The following MINAR1 variants were observed in gnomAD, a reference collection of about 807,000 sequenced individuals.
MINAR1 encodes major intrinsically disordered Notch2-binding receptor 1.
Under a neutral mutation model 65.1 loss-of-function variants are expected in MINAR1, and 40 were observed. The observed-to-expected ratio is 0.61, with a 90% confidence interval of 0.48 to 0.80. The LOEUF (loss-of-function observed/expected upper bound fraction) is 0.80, where lower values mean the gene tolerates loss of function less well. Among genes scored for constraint, MINAR1 ranks in the 30% least tolerant of loss-of-function variants. The pLI is 0.00. For missense variants in MINAR1, 1,128 were observed against 1,148.0 expected (o/e 0.98, Z 0.25); for synonymous variants, 482 against 449.1 (o/e 1.07, Z -0.93).
chr15:79,417,628 T>G, the MINAR1 span: 1 of 152,232 alleles, frequency 6.6e-6, no homozygotes, highest in African/African-American at 2.4e-5. Context: ...TGGTTAGAAA[T>G]CATCTGTTTG....
intron 1 of MINAR1, among the ~76,000 whole-genome samples, chr15:79,440,139 G>A (rs768859370): frequency 2.6e-5 from 4 of 152,078 alleles, no homozygotes; most frequent in Non-Finnish European, 5.9e-5. Flanking sequence ...GAACCTCCAG[G>A]GGACCTTATA....
chr15:79,468,614 A>G lies in MINAR1; in HGVS notation c.*230A>G. 1.9e-6 allele frequency: 1 copy of G among 537,524 alleles called. No homozygotes were observed. Among genetic ancestry groups the G allele is most frequent in the Non-Finnish European group, 3.3e-6 (1 of 303,010 alleles). 33.3% of individuals were successfully genotyped at this position (537,524 alleles called of 1,614,324 possible). On this transcript the variant is annotated 3_prime_UTR_variant, in exon 4 of 4. Transcript: ENST00000305428. ...TCTGACGCATTTTTAGAAGTGCAATATCTTTTCCTACCAAAAGAACATCAT... is the reference window on the plus strand; with the variant it reads ...TCTGACGCATTTTTAGAAGTGCAATGTCTTTTCCTACCAAAAGAACATCAT...
At chr15:79,437,354 T>TG (rs1038779105) in intron 1 of MINAR1, among the ~76,000 whole-genome samples, 31 of 151,188 alleles carry the variant, frequency 2.1e-4, no homozygotes, top group African/African-American at 7.3e-4. Flanking sequence ...TGATTGAGTG[T>TG]GGGTGGGATA....
At chr15:79,426,007 C>A in the MINAR1 span, 1 of 152,274 alleles carries the variant, frequency 6.6e-6, no homozygotes, top group African/African-American at 2.4e-5. Context: ...AGTCAAAAGC[C>A]AATCTCTCAT....
Position 79,452,891 on chromosome 15 carries a change from AG to A in MINAR1, c.-50-3205del, listed in dbSNP as rs1028349812. On this transcript the variant is annotated intron_variant, in intron 1 of 3. Coordinates refer to ENST00000305428, the MANE Select transcript of MINAR1 (RefSeq NM_015206.3). ...AGTGTGAAGCTGTGTGAGTGTGTGT[AG>A]GTGTGTCTGGGTGAATCTGAGTGAA... 5.0e-4 allele frequency among the ~76,000 whole-genome samples: 68 copies of A among 134,888 alleles called. 2 individuals carry two copies. Among genetic ancestry groups the A allele is most frequent in the Admixed American group, 1.5e-4 (2 of 13,678 alleles). The allele number at this position is 134,888 out of a possible 152,430, so 88.5% of individuals were successfully genotyped here.
chr15:79,468,594 C>T lies in MINAR1; in HGVS notation c.*210C>T, dbSNP rs967976442. On this transcript the variant is annotated 3_prime_UTR_variant, in exon 4 of 4. Transcript: ENST00000305428. ...TAGCTTTGACTCAATTACACTCTGA[C>T]GCATTTTTAGAAGTGCAATATCTTT... is the stretch of plus-strand genomic sequence containing the variant. 4.0e-5 allele frequency: 22 copies of T among 556,246 alleles called. No homozygotes were observed. Among genetic ancestry groups the T allele is most frequent in the Middle Eastern group, 4.7e-4 (1 of 2,130 alleles). 34.5% of individuals were successfully genotyped at this position (556,246 alleles called of 1,614,324 possible).
At chr15:79,437,852 G>A (rs56651691) in intron 1 of MINAR1, among the ~76,000 whole-genome samples, 3,031 of 32,676 alleles carry the variant, frequency 0.093, 745 homozygotes, top group Non-Finnish European at 0.15. Context: ...TGGGGTGTGG[G>A]TGGGTAGTGT....
upstream of MINAR1, among the ~76,000 whole-genome samples, chr15:79,429,499 G>C (rs1229254038): frequency 6.6e-6 from 1 of 152,220 alleles, no homozygotes; most frequent in Non-Finnish European, 1.5e-5. Context: ...TGAAATTTCG[G>C]ATCTGAGTGG....
intron 1 of MINAR1, among the ~76,000 whole-genome samples, chr15:79,437,707 T>G (rs1595928548): frequency 4.5e-5 from 1 of 22,334 alleles, no homozygotes; most frequent in Non-Finnish European, 9.7e-5. Flanking sequence ...GTGTGGGGTG[T>G]GGGTGTGGGT....
At chr15:79,464,434 G>A (rs1538133) in intron 3 of MINAR1, among the ~76,000 whole-genome samples, 33,658 of 152,160 alleles carry the variant, frequency 0.22, 4,213 homozygotes, top group Middle Eastern at 0.33. Flanking sequence ...GGCCGGAATT[G>A]CTATGACCAT....
chr15:79,463,395 C>G (rs1007730305), intron 3 of MINAR1, 74 bp downstream of exon 3: 1 of 1,552,024 alleles, frequency 6.4e-7, no homozygotes, highest in African/African-American at 1.3e-5. Context: ...GGATCACGGA[C>G]GGCTTAGACC....
At chr15:79,443,560 AATCT>A (rs1188311953) in intron 1 of MINAR1, among the ~76,000 whole-genome samples, 1 of 152,162 alleles carries the variant, frequency 6.6e-6, no homozygotes, top group Non-Finnish European at 1.5e-5. Context: ...ATCCCTAAAT[AATCT>A]ATTTGAGGTT....
chr15:79,455,511 A>T (rs1186886806), intron 1 of MINAR1, among the ~76,000 whole-genome samples: 2 of 152,178 alleles, frequency 1.3e-5, no homozygotes, highest in Admixed American at 1.3e-4. Context: ...TAGAACAATG[A>T]TATCATTTAG....
chr15:79,456,982 A>G lies in MINAR1; in HGVS notation c.835A>G (p.Ser279Gly), dbSNP rs768641752. The change falls in exon 2 of 4, where the codon AGC (serine) becomes GGC (glycine). Residue 279 changes from serine to glycine, a missense_variant. Transcript: ENST00000305428. Reference protein sequence around the residue: ...AVSPSLVGPISKAENEHREPQ... With the variant: ...AVSPSLVGPIGKAENEHREPQ... ...GTCCCCCAGTTTGGTTGGCCCCATC[A>G]GCAAAGCAGAGAATGAGCACAGGGA... 6.2e-7 allele frequency: 1 copy of G among 1,614,208 alleles called. No homozygotes were observed. The highest frequency in any genetic ancestry group is 1.1e-5 in the South Asian group (1 of 91,080).
intron 1 of MINAR1, among the ~76,000 whole-genome samples, chr15:79,446,482 TTATC>T (rs981412818): frequency 3.3e-5 from 5 of 152,220 alleles, no homozygotes; most frequent in South Asian, 2.1e-4. Context: ...GGTAATAAAA[TTATC>T]TGTATATTAT....
chr15:79,458,324 T>G lies in MINAR1; in HGVS notation c.2177T>G (p.Ile726Ser). The G allele has an allele frequency of 6.2e-7, 1 of 1,614,032 alleles. No homozygotes were observed. The highest frequency in any genetic ancestry group is 8.5e-7 in the Non-Finnish European group (1 of 1,180,014). ...NSATESKIASISNSPRDWRTI... is the reference protein window; with the variant it reads ...NSATESKIASSSNSPRDWRTI... Reference sequence around the variant, plus strand: ...GCCACAGAGTCCAAAATTGCCAGCATCTCCAACTCGCCCAGAGACTGGCGC... The same window carrying G: ...GCCACAGAGTCCAAAATTGCCAGCAGCTCCAACTCGCCCAGAGACTGGCGC... The change falls in exon 2 of 4, where the codon ATC (isoleucine) becomes AGC (serine). Residue 726 changes from isoleucine to serine, a missense_variant. Coordinates refer to ENST00000305428, the MANE Select transcript of MINAR1 (RefSeq NM_015206.3).
the MINAR1 span, chr15:79,420,613 GA>G: frequency 1.3e-5 from 2 of 152,274 alleles, no homozygotes; most frequent in African/African-American, 2.4e-5. Context: ...GACTTCCTGA[GA>G]ATTGAAACTT....
intron 1 of MINAR1, among the ~76,000 whole-genome samples, chr15:79,446,410 G>A (rs140345981): frequency 6.6e-6 from 1 of 151,910 alleles, no homozygotes; most frequent in African/African-American, 2.4e-5. Flanking sequence ...TTACAATAAG[G>A]AATATGAGTT....
At chr15:79,455,691 G>A (rs954034960) in intron 1 of MINAR1, among the ~76,000 whole-genome samples, 3 of 152,128 alleles carry the variant, frequency 2.0e-5, no homozygotes, top group African/African-American at 4.8e-5. Context: ...ATTCATCCAC[G>A]TCCTTGCATG....
Sources: gnomAD v4.1 joint callset for allele counts (sites outside exome capture counted in the v4.1 genomes callset) on GRCh38, gnomAD v4.1.1 for gene constraint, MANE v1.5 for transcripts, NCBI Gene and HGNC (gene_info 2026-07-23, HGNC 2026-07-21) for gene names.